The following NFU1 variants were observed in gnomAD, a reference collection of about 807,000 sequenced individuals.
The protein encoded by NFU1 is NFU1 iron-sulfur cluster scaffold homolog, mitochondrial.
A neutral mutation model predicts 32.2 loss-of-function variants in NFU1; 30 were observed. The ratio of observed to expected loss-of-function variants is 0.93; its 90% CI spans 0.70 to 1.26. NFU1 has a LOEUF of 1.26. NFU1 is among the 50% of genes most tolerant of loss of function. The pLI is 0.00. For synonymous variants in NFU1, 112 were observed against 104.6 expected (o/e 1.07, Z -0.43); for missense variants, 306 against 306.6 (o/e 1.00, Z 0.02).
At chr2:69,425,190 T>A (rs563611746) in intron 2 of NFU1, among the ~76,000 whole-genome samples, 72 of 151,758 alleles carry the variant, frequency 4.7e-4, no homozygotes, top group African/African-American at 1.1e-3. Flanking sequence ...AGGCTTTTTT[T>A]AAAAAAAATC....
In NFU1 at chr2:69,424,144, C is replaced by T. The variant is rs1397691292; in HGVS notation, c.167-427G>A. On this transcript the variant is annotated intron_variant, in intron 2 of 7. Transcript: ENST00000410022. ...CCGAGATTGCACCACTGCACTCCAGCCTGGTGACAAAGTGAGACTCTGTCT... is the reference window on the plus strand; with the variant it reads ...CCGAGATTGCACCACTGCACTCCAGTCTGGTGACAAAGTGAGACTCTGTCT... 1.6e-4 allele frequency among the ~76,000 whole-genome samples: 19 copies of T among 121,996 alleles called. 1 individual carries two copies. The East Asian group carries it at 4.2e-3, about 27-fold the overall frequency. The allele number at this position is 121,996 out of a possible 152,430, so 80.0% of individuals were successfully genotyped here. A position where few individuals can be genotyped will look rare whatever the true frequency, so the allele number is the denominator to read the frequency against.
chr2:69,423,515 G>A (rs1673335905), intron 3 of NFU1, 67 bp downstream of exon 3: 1 of 1,442,308 alleles, frequency 6.9e-7, no homozygotes, highest in African/African-American at 1.4e-5. Flanking sequence ...AAACAGAGTT[G>A]TCTTAACCCC....
chr2:69,436,428 G>T (rs966269695), intron 1 of NFU1, among the ~76,000 whole-genome samples: 12 of 152,238 alleles, frequency 7.9e-5, no homozygotes, highest in East Asian at 1.9e-4. Flanking sequence ...TGCACTAGAA[G>T]AATAATATTC....
At chr2:69,427,014 C>T (rs1357370516) in intron 2 of NFU1, among the ~76,000 whole-genome samples, 1 of 147,870 alleles carries the variant, frequency 6.8e-6, no homozygotes, top group Non-Finnish European at 1.5e-5. Flanking sequence ...GAGCTGAGAT[C>T]CTGCCATTGC....
intron 6 of NFU1, among the ~76,000 whole-genome samples, chr2:69,402,162 C>T (rs939827924): frequency 2.6e-5 from 4 of 152,016 alleles, no homozygotes; most frequent in South Asian, 2.1e-4. Flanking sequence ...CCCAAAGTGC[C>T]GGGATTATGG....
chr2:69,430,385 G>C (rs1025497326), intron 2 of NFU1, among the ~76,000 whole-genome samples: 10 of 152,008 alleles, frequency 6.6e-5, no homozygotes, highest in African/African-American at 2.2e-4. Context: ...GATAATTTTT[G>C]TATTTTTTTG....
At chr2:69,437,004 G>A (rs969068341) in intron 1 of NFU1, among the ~76,000 whole-genome samples, 2 of 152,220 alleles carry the variant, frequency 1.3e-5, no homozygotes, top group African/African-American at 4.8e-5. Flanking sequence ...TTTAGAAGAG[G>A]AGGGAATGCA....
chr2:69,423,680 A>C lies in NFU1; in HGVS notation c.204T>G (p.Asn68Lys). 1.2e-6 allele frequency: 2 copies of C among 1,607,812 alleles called. No individual in the cohort carries two copies. Among genetic ancestry groups the C allele is most frequent in the Non-Finnish European group, 1.7e-6 (2 of 1,174,412 alleles). ...CTGGTATAAACTTTAAGCTGTTTGGATTTGGGGTATCTTGTGTTTGAATAA... is the reference window on the plus strand; with the variant it reads ...CTGGTATAAACTTTAAGCTGTTTGGCTTTGGGGTATCTTGTGTTTGAATAA... ...YMFIQTQDTP[N>K]PNSLKFIPGK... The change falls in exon 3 of 8, where the codon AAT becomes AAG. Residue 68 changes from asparagine to lysine, a missense_variant. By Grantham distance (94) the Asn-to-Lys change is moderately conservative. Coordinates refer to ENST00000410022, the MANE Select transcript of NFU1 (RefSeq NM_001002755.4).
chr2:69,396,613 A>G (rs1433386199), intron 7 of NFU1, among the ~76,000 whole-genome samples: 1 of 151,840 alleles, frequency 6.6e-6, no homozygotes. Context: ...AGATCGCGCC[A>G]CTGCACTCCA....
intron 4 of NFU1, among the ~76,000 whole-genome samples, chr2:69,416,450 G>C (rs997592609): frequency 3.3e-5 from 5 of 150,512 alleles, no homozygotes; most frequent in Admixed American, 1.3e-4. Context: ...ATGATGTGAA[G>C]ACAAAATATT....
chr2:69,420,895 T>C (rs1003932109), intron 3 of NFU1, among the ~76,000 whole-genome samples: 2 of 152,152 alleles, frequency 1.3e-5, no homozygotes, highest in Non-Finnish European at 2.9e-5. Context: ...ACACACATAA[T>C]GTAAAACACT....
chr2:69,400,737 A>T (rs1434945207), intron 6 of NFU1, among the ~76,000 whole-genome samples, 199 bp from the exon 7 acceptor site: 2 of 152,184 alleles, frequency 1.3e-5, no homozygotes, highest in Non-Finnish European at 2.9e-5. Context: ...TAAAATACCA[A>T]AATTCACTCA....
At chr2:69,439,343 G>A (rs982362912), upstream of NFU1, among the ~76,000 whole-genome samples, 3 of 152,220 alleles carry the variant, frequency 2.0e-5, no homozygotes, top group Admixed American at 1.3e-4. Context: ...TAAAGATGGT[G>A]TGTCCAGAGT....
chr2:69,411,505 T>C (rs976455579), intron 5 of NFU1, among the ~76,000 whole-genome samples: 9 of 152,100 alleles, frequency 5.9e-5, no homozygotes, highest in African/African-American at 2.2e-4. Context: ...AAAAGTTAAG[T>C]CACAGTTAGG....
chr2:69,433,047 G>A (rs1279186361), intron 1 of NFU1, among the ~76,000 whole-genome samples: 1 of 142,960 alleles, frequency 7.0e-6, no homozygotes, highest in Non-Finnish European at 1.5e-5. Flanking sequence ...CTACTCGGGA[G>A]GCTGAGGCAG....
intron 6 of NFU1, among the ~76,000 whole-genome samples, chr2:69,401,322 T>G (rs1490527017): frequency 6.6e-6 from 1 of 152,238 alleles, no homozygotes; most frequent in Non-Finnish European, 1.5e-5. Context: ...TTTGCCAGTC[T>G]CTGAACTTTA....
chr2:69,437,125 G>A, intron 1 of NFU1: 1 of 815,994 alleles, frequency 1.2e-6, no homozygotes, highest in Admixed American at 3.0e-5. Context: ...CTCAAGAACT[G>A]GGTCTCTGAG....
chr2:69,418,476 T>C (rs1035008477), intron 4 of NFU1, among the ~76,000 whole-genome samples: 12 of 152,138 alleles, frequency 7.9e-5, no homozygotes, highest in African/African-American at 7.2e-5. Context: ...TCCCCTTTTT[T>C]TCTTTTTTGA....
intron 4 of NFU1, among the ~76,000 whole-genome samples, chr2:69,415,838 G>T (rs10175692): frequency 0.67 from 101,375 of 151,898 alleles, 35,470 homozygotes; most frequent in African/African-American, 0.9. Flanking sequence ...CTCTTAAGAA[G>T]CTTTTCCTGG....
Sources: allele counts gnomAD v4.1 joint callset (sites outside exome capture counted in the v4.1 genomes callset), GRCh38; gene constraint gnomAD v4.1.1; transcripts MANE v1.5; gene names NCBI Gene and HGNC (gene_info 2026-07-23, HGNC 2026-07-21).